TRRAP: variants seen among roughly 807,000 people sequenced by gnomAD.
The protein encoded by TRRAP is transformation/transcription domain associated protein.
Under a neutral mutation model 438.8 loss-of-function variants are expected in TRRAP, and 41 were observed. The ratio of observed to expected loss-of-function variants is 0.09; its 90% CI spans 0.07 to 0.12. The LOEUF (loss-of-function observed/expected upper bound fraction) is 0.12. Ranked by LOEUF, TRRAP falls within the 10% of genes least tolerant of loss-of-function variation. The pLI is 1.00. For missense variants in TRRAP, 3,122 were observed against 5,055.1 expected, an observed-to-expected ratio of 0.62 and a Z score of 11.60; for synonymous variants, 1,994 against 1,962.9, an observed-to-expected ratio of 1.02 and a Z score of -0.42.
chr7:98,925,360 C>A, intron 22 of TRRAP, 97 bp downstream of exon 22: 1 of 1,503,088 alleles, frequency 6.7e-7, no homozygotes, highest in Non-Finnish European at 9.0e-7. Context: ...TAGGAGCAGG[C>A]TCCTTGAAGT....
Position 98,970,196 on chromosome 7 carries a change from A to C in TRRAP, c.7597A>C (p.Asn2533His). The part of the protein sequence containing the change: ...AMLPSITNVI[N>H]LADSHDRAAF... ...GCTCCCGTCCATCACCAACGTCATC[A>C]ACCTGGCCGATAGCCACGACCGTGC... The change falls in exon 52 of 73, where the codon AAC becomes CAC. Residue 2533 changes from asparagine (N) to histidine (H), a missense_variant. By Grantham distance (68) the Asn-to-His change is moderately conservative (BLOSUM62 1). Around this residue, in one of 24 missense-constraint regions of TRRAP, gnomAD observed 992 missense variants for 1,281.2 expected, o/e 0.77. Coordinates refer to ENST00000456197, the MANE Select transcript of TRRAP (RefSeq NM_001375524.1). The C allele has an allele frequency of 6.2e-7, 1 of 1,613,924 alleles. No individual in the cohort carries two copies. Among genetic ancestry groups the C allele is most frequent in the Non-Finnish European group, 8.5e-7 (1 of 1,180,028 alleles).
chr7:98,974,649 T>A (rs1233876984), intron 53 of TRRAP, among the ~76,000 whole-genome samples: 1 of 152,032 alleles, frequency 6.6e-6, no homozygotes, highest in Non-Finnish European at 1.5e-5. Context: ...TCCCTAAAGA[T>A]CAAAATTTCT....
intron 33 of TRRAP, among the ~76,000 whole-genome samples, chr7:98,947,344 T>G (rs1554417099): frequency 2.0e-5 from 3 of 152,246 alleles, no homozygotes; most frequent in Non-Finnish European, 2.9e-5. Context: ...TGACAAATAC[T>G]TAGTACCAGG....
chr7:98,947,459 C>A (rs190179506), intron 33 of TRRAP, among the ~76,000 whole-genome samples: 1 of 147,172 alleles, frequency 6.8e-6, no homozygotes, highest in Admixed American at 6.7e-5. Context: ...TTTTTTTTTT[C>A]TTTTCTTTTT....
At position 98,976,888 on chromosome 7, in the gene TRRAP, GA is replaced by G. The variant is rs199884954; in HGVS notation, c.8248-44del. 0.037 allele frequency: 59,017 copies of G among 1,605,288 alleles called. 1,203 individuals carry two copies. Among genetic ancestry groups the G allele is most frequent in the South Asian group, 0.056 (5,030 of 90,598 alleles). On this transcript the variant is annotated intron_variant, in intron 55 of 72. Coordinates refer to ENST00000456197, the MANE Select transcript of TRRAP (RefSeq NM_001375524.1). This position sits in a 1 kb window ranked among gnomAD's most constrained non-coding sequence, Gnocchi z 4.6. ...GCACAGTGAAACTATTTTTAGGGGG[GA>G]AAAAAAGTCTCTGTCTCAAGCACTC...
intron 50 of TRRAP, 22 bp from the exon 51 acceptor site, chr7:98,967,463 T>C (rs1281681881): frequency 1.9e-6 from 3 of 1,612,624 alleles, no homozygotes; most frequent in Admixed American, 3.3e-5. Context: ...TCGTCTTGCC[T>C]GTCTCTGACT....
intron 4 of TRRAP, among the ~76,000 whole-genome samples, chr7:98,891,067 A>G (rs1355390193): frequency 2.0e-5 from 3 of 150,890 alleles, no homozygotes; most frequent in African/African-American, 7.3e-5. Context: ...AAATTCTGGT[A>G]TTACAGGTGT....
In TRRAP at chr7:98,912,387, CT is replaced by C. The variant is rs5886089; in HGVS notation, c.2199+187del. On this transcript the variant is annotated intron_variant, in intron 18 of 72. Transcript: ENST00000456197. ...CACTCACCACTGTGAGTGTGCCTGG[CT>C]TTTTTTTTTTTTAATTCTTATTTTC... Among the ~76,000 whole-genome samples the C allele has an allele frequency of 1, 144,720 of 145,402 alleles. 72,020 individuals are homozygous for C. Among genetic ancestry groups the C allele is most frequent in the Middle Eastern group, 1 (280 of 280 alleles).
In TRRAP at chr7:98,984,126, A is replaced by G. The variant is rs778645769; in HGVS notation, c.9056A>G (p.His3019Arg). The G allele has an allele frequency of 2.5e-6, 4 of 1,613,322 alleles. No homozygotes were observed. Among genetic ancestry groups the G allele is most frequent in the South Asian group, 1.1e-5 (1 of 90,856 alleles). Residue 3019 changes from histidine (H) to arginine (R), a missense_variant, in exon 61 of 73, where the codon CAT becomes CGT. By Grantham distance (29) the His-to-Arg change is conservative. This residue lies in a region of TRRAP where 129 missense variants were observed against 279.2 expected (regional missense o/e 0.46). Coordinates refer to ENST00000456197, the MANE Select transcript of TRRAP (RefSeq NM_001375524.1). ...IVTAYENSSQHDPSSNNAMLG... is the reference protein window; with the variant it reads ...IVTAYENSSQRDPSSNNAMLG... ...ACTGCCTATGAGAATAGCTCTCAGC[A>G]TGATCCCAGTTCAAATAACGCTATG...
chr7:99,008,144 C>T (rs548262442), intron 69 of TRRAP, among the ~76,000 whole-genome samples: 7 of 152,282 alleles, frequency 4.6e-5, no homozygotes, highest in South Asian at 4.2e-4. Context: ...TTTAAGATTG[C>T]CTTCTAAAGC....
At chr7:98,999,304 T>C in intron 67 of TRRAP, 1 of 1,301,112 alleles carries the variant, frequency 7.7e-7, no homozygotes, top group East Asian at 2.3e-5. Flanking sequence ...AAGCATTTTA[T>C]CTGCTAAGCT....
Position 98,984,296 on chromosome 7 carries a change from C to A in TRRAP, c.9226C>A (p.Arg3076=). ...TATCGTGGATTGCTTCCAGAAGATT[C>A]GACAGCAAGTTAAATGCTACCTCCA... ...VPIVDCFQKI[R]QQVKCYLQLA... Residue 3076 remains arginine (R), a synonymous_variant, in exon 61 of 73, where the codon CGA becomes AGA. Coordinates refer to ENST00000456197, the MANE Select transcript of TRRAP (RefSeq NM_001375524.1). The A allele has an allele frequency of 6.2e-7, 1 of 1,607,592 alleles. No homozygotes were observed. Among genetic ancestry groups the A allele is most frequent in the Non-Finnish European group, 8.5e-7 (1 of 1,176,332 alleles).
chr7:99,000,463 C>G (rs1793866753), intron 67 of TRRAP, among the ~76,000 whole-genome samples: 1 of 152,208 alleles, frequency 6.6e-6, no homozygotes, highest in Non-Finnish European at 1.5e-5. Flanking sequence ...AAACTGCTAC[C>G]CCAGTGAGGG....
Position 99,012,161 on chromosome 7 carries a change from G to A in TRRAP, c.11428G>A (p.Ala3810Thr), listed in dbSNP as rs749974582. 9 of 1,614,178 alleles carry A rather than the reference G, an allele frequency of 5.6e-6. No homozygotes were observed. The highest frequency in any genetic ancestry group is 2.2e-5 in the East Asian group (1 of 44,880). ...QEDTSSPLSA[A>T]GQPENMDSQQ... ...GGACACGTCCTCTCCTCTCTCGGCC[G>A]CCGGGCAGCCAGAGAACATGGACAG... The change falls in exon 73 of 73, where the codon GCC (alanine) becomes ACC (threonine). Residue 3810 changes from alanine to threonine, a missense_variant. This residue lies in a region of TRRAP where 192 missense variants were observed against 355.6 expected (regional missense o/e 0.54). Coordinates refer to ENST00000456197, the MANE Select transcript of TRRAP (RefSeq NM_001375524.1). The surrounding 1 kb of genome is among the most constrained non-coding windows in gnomAD (Gnocchi z 5.9).
intron 8 of TRRAP, among the ~76,000 whole-genome samples, chr7:98,898,497 C>T (rs1037997557): frequency 5.9e-5 from 9 of 152,188 alleles, no homozygotes; most frequent in African/African-American, 2.2e-4. Flanking sequence ...AATGGTTGTG[C>T]AGAGTGTTTC....
At chr7:99,010,229 C>T (rs1433524958) in intron 70 of TRRAP, among the ~76,000 whole-genome samples, 1 of 152,202 alleles carries the variant, frequency 6.6e-6, no homozygotes, top group Non-Finnish European at 1.5e-5. Context: ...AATAAAAAAG[C>T]TCCTCCAGAC....
chr7:98,897,105 C>T (rs571354681), intron 7 of TRRAP, among the ~76,000 whole-genome samples: 49 of 152,184 alleles, frequency 3.2e-4, no homozygotes, highest in African/African-American at 1.1e-3. Flanking sequence ...CATGGTGGTG[C>T]GCGCTAGTAA....
intron 70 of TRRAP, among the ~76,000 whole-genome samples, chr7:99,009,204 A>G (rs1417481398): frequency 6.6e-6 from 1 of 151,276 alleles, no homozygotes; most frequent in Admixed American, 6.6e-5. Context: ...AGGTGGGGAG[A>G]TTTTTGGGGG....
At position 98,965,684 on chromosome 7, in the gene TRRAP, TG is replaced by T; in HGVS notation, c.6977-8del. 1.9e-6 allele frequency: 3 copies of T among 1,613,846 alleles called. No individual in the cohort carries two copies. The East Asian group carries it at 6.7e-5, about 36-fold the overall frequency. Reference sequence around the variant, plus strand: ...AGAGACCCGTGGGTTTGTTCTTAATTGGGGCGAGCAGGTACAAGCGAGCTGG... The same window carrying T: ...AGAGACCCGTGGGTTTGTTCTTAATTGGGCGAGCAGGTACAAGCGAGCTGG... On this transcript the variant is annotated splice_polypyrimidine_tract_variant and intron_variant, in intron 48 of 72. Transcript: ENST00000456197.
Sources: allele counts gnomAD v4.1 joint callset (sites outside exome capture counted in the v4.1 genomes callset), GRCh38; gene constraint gnomAD v4.1.1; regional missense constraint gnomAD v4.1.1; non-coding constraint Gnocchi (gnomAD v3.1); transcripts MANE v1.5; gene names NCBI Gene and HGNC (gene_info 2026-07-23, HGNC 2026-07-21).